THSD7B: variants seen among roughly 807,000 people sequenced by gnomAD.
The protein encoded by THSD7B is thrombospondin type 1 domain containing 7B, also known as thrombospondin type-1 domain-containing protein 7B.
In THSD7B, 138 loss-of-function variants were observed where a neutral mutation model predicts 213.6. The ratio of observed to expected loss-of-function variants is 0.65; its 90% CI spans 0.56 to 0.74. THSD7B has a LOEUF of 0.74. THSD7B is among the 30% of genes least tolerant of loss of function. THSD7B has a pLI of 0.00. For synonymous variants in THSD7B, 742 were observed against 687.0 expected, an observed-to-expected ratio of 1.08 and a Z score of -1.25; for missense variants, 1,931 against 1,991.5, an observed-to-expected ratio of 0.97 and a Z score of 0.58.
intron 12 of THSD7B, among the ~76,000 whole-genome samples, chr2:137,385,364 TGGCCTCCA>T (rs1250485728): frequency 6.6e-6 from 1 of 152,248 alleles, no homozygotes; most frequent in African/African-American, 2.4e-5. Context: ...GCACCTGCCC[TGGCCTCCA>T]TGCCCCTGCT....
intron 1 of THSD7B, among the ~76,000 whole-genome samples, chr2:136,789,517 T>A (rs1329245060): frequency 6.6e-6 from 1 of 152,148 alleles, no homozygotes; most frequent in African/African-American, 2.4e-5. Context: ...CTAGCTATTT[T>A]GAAATGTACA....
intron 1 of THSD7B, among the ~76,000 whole-genome samples, chr2:136,774,322 G>A (rs2558095): frequency 0.45 from 68,251 of 151,800 alleles, 16,114 homozygotes; most frequent in East Asian, 0.67. Context: ...AGCCCACCAA[G>A]GTGATATTTC....
intron 12 of THSD7B, among the ~76,000 whole-genome samples, chr2:137,357,439 A>G (rs1402730256): frequency 2.0e-5 from 3 of 152,064 alleles, no homozygotes; most frequent in African/African-American, 7.2e-5. Context: ...TTGTTTACAA[A>G]CTGAGATTAT....
chr2:137,222,889 G>A (rs559855456), intron 7 of THSD7B, among the ~76,000 whole-genome samples: 78 of 152,308 alleles, frequency 5.1e-4, no homozygotes, highest in African/African-American at 1.8e-3. Context: ...GAGGAGCCTG[G>A]GGAGGATGTG....
intron 1 of THSD7B, among the ~76,000 whole-genome samples, chr2:136,775,160 A>G (rs1256992319): frequency 6.6e-6 from 1 of 152,132 alleles, no homozygotes; most frequent in Non-Finnish European, 1.5e-5. Flanking sequence ...CACAGAAGGC[A>G]TCTTACTCAT....
chr2:136,811,744 A>G (rs953073232), intron 1 of THSD7B, among the ~76,000 whole-genome samples: 4 of 152,174 alleles, frequency 2.6e-5, no homozygotes, highest in African/African-American at 9.7e-5. Flanking sequence ...ACCGTCGGGA[A>G]ATTTTACACA....
At chr2:137,011,590 G>A (rs72848271) in intron 2 of THSD7B, among the ~76,000 whole-genome samples, 15,900 of 152,128 alleles carry the variant, frequency 0.1, 958 homozygotes, top group East Asian at 0.19. Flanking sequence ...TGGCTGAAAA[G>A]CACTGTCTCA....
At chr2:137,642,097 A>G (rs987195068) in intron 20 of THSD7B, 1 of 154,656 alleles carries the variant, frequency 6.5e-6, no homozygotes, top group African/African-American at 2.4e-5. Context: ...ATTTGACGGT[A>G]GAGGATATAT....
At chr2:137,534,156 C>T (rs1357439970) in intron 15 of THSD7B, among the ~76,000 whole-genome samples, 1 of 151,418 alleles carries the variant, frequency 6.6e-6, no homozygotes, top group Non-Finnish European at 1.5e-5. Flanking sequence ...TGCCTTTGAT[C>T]TAGGTTTATT....
In THSD7B at chr2:137,487,260, G is replaced by C. The variant is rs1246525896; in HGVS notation, c.3138+36237G>C. Among the ~76,000 whole-genome samples, 10 of 147,072 alleles carry C rather than the reference G, an allele frequency of 6.8e-5. 1 individual carries two copies. In the East Asian group the frequency reaches 1.8e-3, roughly 26 times the overall value. ...GCGGGCGCCTGTAGTCCCAGCTACTGGGGAGGCTGAGGCAGGAGAATGGCG... is the reference window on the plus strand; with the variant it reads ...GCGGGCGCCTGTAGTCCCAGCTACTCGGGAGGCTGAGGCAGGAGAATGGCG... On this transcript the variant is annotated intron_variant, in intron 15 of 27. Coordinates refer to ENST00000409968, the MANE Select transcript of THSD7B (RefSeq NM_001316349.2).
At chr2:137,244,233 C>CAAGGGAATAA (rs1681974444) in intron 10 of THSD7B, among the ~76,000 whole-genome samples, 2 of 152,154 alleles carry the variant, frequency 1.3e-5, no homozygotes, top group Non-Finnish European at 2.9e-5. Flanking sequence ...ATAATATAAT[C>CAAGGGAATAA]TATGATGATG....
At chr2:136,773,670 T>A (rs1239099659) in intron 1 of THSD7B, among the ~76,000 whole-genome samples, 1 of 151,970 alleles carries the variant, frequency 6.6e-6, no homozygotes, top group Non-Finnish European at 1.5e-5. Flanking sequence ...AGTAGCCACA[T>A]GTGGCTGGTG....
intron 12 of THSD7B, among the ~76,000 whole-genome samples, chr2:137,302,027 G>T (rs1305339981): frequency 2.0e-5 from 3 of 152,090 alleles, no homozygotes; most frequent in Non-Finnish European, 4.4e-5. Flanking sequence ...ATGATGATGT[G>T]ACTTGGACCA....
At chr2:137,580,741 C>T (rs978118914) in intron 17 of THSD7B, among the ~76,000 whole-genome samples, 3 of 152,124 alleles carry the variant, frequency 2.0e-5, no homozygotes, top group African/African-American at 7.2e-5. Context: ...CTGGGAAGGC[C>T]TCAGGAAGCT....
intron 7 of THSD7B, among the ~76,000 whole-genome samples, chr2:137,214,446 A>G (rs1293310356): frequency 6.6e-6 from 1 of 152,136 alleles, no homozygotes; most frequent in Non-Finnish European, 1.5e-5. Flanking sequence ...ATTTTTATTT[A>G]TTATATTTTA....
At chr2:137,506,418 C>A (rs992033037) in intron 15 of THSD7B, among the ~76,000 whole-genome samples, 1 of 152,156 alleles carries the variant, frequency 6.6e-6, no homozygotes, top group African/African-American at 2.4e-5. Flanking sequence ...CTTTAACGTT[C>A]CTGAATAAAA....
At chr2:136,918,499 T>G (rs969322747) in intron 2 of THSD7B, among the ~76,000 whole-genome samples, 2 of 152,236 alleles carry the variant, frequency 1.3e-5, no homozygotes, top group East Asian at 1.9e-4. Context: ...CCTGTCCTTC[T>G]TATTTTTCCT....
chr2:137,418,140 G>T (rs1319940716), intron 14 of THSD7B, among the ~76,000 whole-genome samples: 2 of 152,104 alleles, frequency 1.3e-5, no homozygotes, highest in Admixed American at 6.6e-5. Flanking sequence ...ATATAATATT[G>T]CTGTGTTAGA....
chr2:137,532,596 T>C (rs1680419097), intron 15 of THSD7B, among the ~76,000 whole-genome samples: 1 of 151,862 alleles, frequency 6.6e-6, no homozygotes, highest in Non-Finnish European at 1.5e-5. Flanking sequence ...ATGATTAAAC[T>C]ACTTGGTTAT....
Sources: gnomAD v4.1 joint callset for allele counts (sites outside exome capture counted in the v4.1 genomes callset) on GRCh38, gnomAD v4.1.1 for gene constraint, MANE v1.5 for transcripts, NCBI Gene and HGNC (gene_info 2026-07-23, HGNC 2026-07-21) for gene names.